ERGIC2: variants seen among roughly 807,000 people sequenced by gnomAD.
ERGIC2 encodes endoplasmic reticulum-Golgi intermediate compartment protein 2.
In ERGIC2, 31 loss-of-function variants were observed where a neutral mutation model predicts 52.5. The observed-to-expected ratio is 0.59, with a 90% CI of 0.44 to 0.80. The LOEUF (loss-of-function observed/expected upper bound fraction) is 0.80, where lower values mean the gene tolerates loss of function less well. Ranked by LOEUF, ERGIC2 falls within the 30% of genes least tolerant of loss-of-function variation. The pLI is 0.00. For synonymous variants in ERGIC2, 129 were observed against 140.6 expected, an observed-to-expected ratio of 0.92 and a Z score of 0.58; for missense variants, 395 against 455.2, an observed-to-expected ratio of 0.87 and a Z score of 1.20.
At chr12:29,376,327 C>T (rs1940514258) in intron 1 of ERGIC2, among the ~76,000 whole-genome samples, 1 of 152,150 alleles carries the variant, frequency 6.6e-6, no homozygotes, top group Non-Finnish European at 1.5e-5. Context: ...GTACTTGTTG[C>T]TATATTCCAC....
intron 5 of ERGIC2, among the ~76,000 whole-genome samples, chr12:29,364,991 G>GAACA (rs1940339273): frequency 1.3e-5 from 2 of 151,610 alleles, no homozygotes; most frequent in Admixed American, 1.3e-4. Flanking sequence ...GGAGAAAAGG[G>GAACA]AACACTTATA....
At chr12:29,375,604 A>G (rs1370531010) in intron 1 of ERGIC2, among the ~76,000 whole-genome samples, 4 of 152,234 alleles carry the variant, frequency 2.6e-5, no homozygotes, top group Admixed American at 1.3e-4. Context: ...TATAAATGTT[A>G]TATTTGTATA....
intron 5 of ERGIC2, among the ~76,000 whole-genome samples, chr12:29,362,527 G>A (rs1940301473): frequency 6.6e-6 from 1 of 152,036 alleles, no homozygotes; most frequent in Non-Finnish European, 1.5e-5. Context: ...AACCCGGGAG[G>A]TGGAAGTTGC....
chr12:29,350,991 A>T (rs1027733267), intron 8 of ERGIC2, among the ~76,000 whole-genome samples: 5 of 152,108 alleles, frequency 3.3e-5, no homozygotes, highest in African/African-American at 4.8e-5. Flanking sequence ...CATGAAACTT[A>T]ATTTCCAAAA....
At chr12:29,366,264 A>G (rs1264152202) in intron 5 of ERGIC2, among the ~76,000 whole-genome samples, 1 of 151,900 alleles carries the variant, frequency 6.6e-6, no homozygotes, top group African/African-American at 2.4e-5. Flanking sequence ...ACTCGTTATC[A>G]CTGTATCTGC....
chr12:29,368,564 A>G (rs564390086), intron 3 of ERGIC2, among the ~76,000 whole-genome samples: 1 of 151,898 alleles, frequency 6.6e-6, no homozygotes, highest in Non-Finnish European at 1.5e-5. Context: ...CAACTCAGAA[A>G]AAGTCTTAAC....
At chr12:29,357,835 A>G (rs1260587444) in intron 6 of ERGIC2, 111 bp from the exon 7 acceptor site, 2 of 715,182 alleles carry the variant, frequency 2.8e-6, no homozygotes, top group Non-Finnish European at 4.9e-6. Context: ...ATTTATTATT[A>G]CAGGATTTCA....
Position 29,364,587 on chromosome 12 carries a change from C to A in ERGIC2, c.333+2290G>T, listed in dbSNP as rs1317373030. On this transcript the variant is annotated intron_variant, in intron 5 of 13. Transcript: ENST00000360150. ...TCCCCACAAGCAATTGCAACAAAAA[C>A]AAAAATTGAAAAGTGGGAGCTAATT... Among the ~76,000 whole-genome samples, 8 of 152,028 alleles carry A rather than the reference C, an allele frequency of 5.3e-5. No individual in the cohort carries two copies. The East Asian group carries it at 1.5e-3, about 29-fold the overall frequency.
chr12:29,349,074 C>T lies in ERGIC2; in HGVS notation c.727+5G>A. 7.0e-7 allele frequency: 1 copy of T among 1,436,774 alleles called. No homozygotes were observed. The highest frequency in any genetic ancestry group is 9.5e-7 in the Non-Finnish European group (1 of 1,052,718). 89.0% of individuals were successfully genotyped at this position (1,436,774 alleles called of 1,614,324 possible). A position where few individuals can be genotyped will look rare whatever the true frequency, so the allele number is the denominator to read the frequency against. On this transcript the variant is annotated splice_donor_5th_base_variant and intron_variant, in intron 10 of 13. Transcript: ENST00000360150. ...AAAATCCAACAATAATTATTAAATA[C>T]TTACGATCTATAGCAATTTTTTCAG...
In ERGIC2 at chr12:29,343,284, TA is replaced by T; in HGVS notation, c.826-3del. 6.4e-7 allele frequency: 1 copy of T among 1,573,376 alleles called. No homozygotes were observed. The highest frequency in any genetic ancestry group is 1.9e-5 in the Admixed American group (1 of 53,856). On this transcript the variant is annotated splice_polypyrimidine_tract_variant and splice_region_variant and intron_variant, in intron 11 of 13. Transcript: ENST00000360150. ...TGCAGCATGGTTAATGATACGTTCC[TA>T]AAAGGGAGGCAAAAGGAAGGGGAGA...
At chr12:29,357,773 G>T in intron 6 of ERGIC2, 49 bp from the exon 7 acceptor site, 1 of 992,516 alleles carries the variant, frequency 1.0e-6, no homozygotes, top group Non-Finnish European at 1.6e-6. Flanking sequence ...CACAAAGAGA[G>T]CTGACACTTA....
intron 10 of ERGIC2, among the ~76,000 whole-genome samples, chr12:29,347,574 G>A (rs1940071280): frequency 6.6e-6 from 1 of 152,004 alleles, no homozygotes. Context: ...ATTCCCTATA[G>A]GAACGTGCGC....
At chr12:29,371,862 G>A (rs564352627) in intron 1 of ERGIC2, among the ~76,000 whole-genome samples, 192 bp from the exon 2 acceptor site, 3 of 151,908 alleles carry the variant, frequency 2.0e-5, no homozygotes, top group Non-Finnish European at 4.4e-5. Flanking sequence ...ACTAATGGAA[G>A]GCAATTTAAA....
chr12:29,349,127 G>T lies in ERGIC2; in HGVS notation c.679C>A (p.Pro227Thr), dbSNP rs1046514422. Residue 227 changes from proline to threonine, a missense_variant, in exon 10 of 14, where the codon CCA becomes ACA. Transcript: ENST00000360150. ...CCATCTAAAGGATTAATAATTGCTGGAACAAGCTCTCCAAAAGACAAATGA... is the reference window on the plus strand; with the variant it reads ...CCATCTAAAGGATTAATAATTGCTGTAACAAGCTCTCCAAAAGACAAATGA... ...IDHLSFGELV[P>T]AIINPLDGTE... The T allele has an allele frequency of 1.3e-6, 2 of 1,581,748 alleles. No individual in the cohort carries two copies. The highest frequency in any genetic ancestry group is 1.7e-6 in the Non-Finnish European group (2 of 1,165,320).
At position 29,343,144 on chromosome 12, in the gene ERGIC2, C is replaced by T. The variant is rs1949850625; in HGVS notation, c.964G>A (p.Val322Ile). ...CCTGTTGTTGAAAAGATTCCTCCAA[C>T]AATACCACAGAGTCTTACAAAAAAC... ...WQFFVRLCGIVGGIFSTTGML... is the reference protein window; with the variant it reads ...WQFFVRLCGIIGGIFSTTGML... Residue 322 changes from valine (V) to isoleucine (I), a missense_variant, in exon 12 of 14, where the codon GTT becomes ATT. Val to Ile is a conservative substitution (Grantham distance 29, BLOSUM62 3). Coordinates refer to ENST00000360150, the MANE Select transcript of ERGIC2 (RefSeq NM_016570.3). 1 of 1,603,134 alleles carries T rather than the reference C, an allele frequency of 6.2e-7. No homozygotes were observed.
At chr12:29,377,062 T>A (rs1030502553) in intron 1 of ERGIC2, among the ~76,000 whole-genome samples, 17 of 152,130 alleles carry the variant, frequency 1.1e-4, no homozygotes, top group African/African-American at 3.4e-4. Flanking sequence ...CTTTTCCCTG[T>A]CCACACGGCC....
chr12:29,346,211 T>C (rs1940049329), intron 10 of ERGIC2, among the ~76,000 whole-genome samples: 1 of 148,358 alleles, frequency 6.7e-6, no homozygotes, highest in African/African-American at 2.6e-5. Flanking sequence ...TTTTTTGAGA[T>C]AGGGTCTCAC....
At chr12:29,361,240 G>C (rs1319905629) in intron 6 of ERGIC2, among the ~76,000 whole-genome samples, 2 of 151,910 alleles carry the variant, frequency 1.3e-5, no homozygotes, top group Non-Finnish European at 2.9e-5. Flanking sequence ...AACAGAGTGA[G>C]ACTCTGTCTC....
rs1949806546 is a variant in ERGIC2, at chr12:29,337,643, G to C, written c.*3513C>G. 1 of 152,170 alleles carries C rather than the reference G, an allele frequency of 6.6e-6. No homozygotes were observed. The highest frequency in any genetic ancestry group is 2.4e-5 in the African/African-American group (1 of 41,452). 9.4% of individuals were successfully genotyped at this position (152,170 alleles called of 1,614,324 possible). On this transcript the variant is annotated 3_prime_UTR_variant, in exon 14 of 14. Transcript: ENST00000360150. Reference sequence around the variant, plus strand: ...TGAAAAAGGGCTACCACCTTGGCTTGCTGAAGGTTTGCTAGAGCTCAAAAC... The same window carrying C: ...TGAAAAAGGGCTACCACCTTGGCTTCCTGAAGGTTTGCTAGAGCTCAAAAC...
Sources: allele counts gnomAD v4.1 joint callset (sites outside exome capture counted in the v4.1 genomes callset), GRCh38; gene constraint gnomAD v4.1.1; transcripts MANE v1.5; gene names NCBI Gene and HGNC (gene_info 2026-07-23, HGNC 2026-07-21).